Variants in DENND1A observed in about 807,000 individuals in gnomAD.
DENND1A encodes DENN domain-containing protein 1A.
Under a neutral mutation model 113.7 loss-of-function variants are expected in DENND1A, and 51 were observed. That is an observed-to-expected ratio of 0.45 (90% CI 0.36 to 0.57). The LOEUF is 0.57. DENND1A is among the 20% of genes least tolerant of loss of function. The pLI, the probability that DENND1A is intolerant of heterozygous loss-of-function variation, is 0.00. For synonymous variants in DENND1A, 565 were observed against 570.8 expected, an observed-to-expected ratio of 0.99 and a Z score of 0.14; for missense variants, 1,258 against 1,395.9, an observed-to-expected ratio of 0.90 and a Z score of 1.57.
At chr9:123,708,134 A>G (rs919456827) in intron 5 of DENND1A, among the ~76,000 whole-genome samples, 5 of 152,164 alleles carry the variant, frequency 3.3e-5, no homozygotes, top group African/African-American at 9.7e-5. Flanking sequence ...TGTTTGTTAT[A>G]GCAAAAACAA....
rs2057617469 is a variant in DENND1A, at chr9:123,559,554, C to CT, written c.868-1860dup. Reference sequence around the variant, plus strand: ...CCCTAGAAATATTAAGAATCACTTGCTGAGAAGTCTGGGGAAAAAAAAATC... The same window carrying CT: ...CCCTAGAAATATTAAGAATCACTTGCTTGAGAAGTCTGGGGAAAAAAAAATC... On this transcript the variant is annotated intron_variant, in intron 12 of 23. Coordinates refer to ENST00000394215, the MANE Select transcript of DENND1A (RefSeq NM_001352964.2). Among the ~76,000 whole-genome samples, 5 of 152,056 alleles carry CT rather than the reference C, an allele frequency of 3.3e-5. No individual in the cohort carries two copies. In the South Asian group the frequency reaches 8.3e-4, roughly 25 times the overall value.
chr9:123,746,222 T>C (rs965234866), intron 5 of DENND1A, among the ~76,000 whole-genome samples: 2 of 152,240 alleles, frequency 1.3e-5, no homozygotes, highest in African/African-American at 2.4e-5. Flanking sequence ...ATTTACACAA[T>C]AGATATAGCA....
chr9:123,812,158 T>C (rs968973199), intron 2 of DENND1A, among the ~76,000 whole-genome samples: 2 of 152,214 alleles, frequency 1.3e-5, no homozygotes, highest in African/African-American at 4.8e-5. Flanking sequence ...GTTTAATATA[T>C]ATAAATGCAC....
rs1272666446 is a variant in DENND1A, at chr9:123,783,791, G to A, written c.132+8796C>T. 2.0e-5 allele frequency among the ~76,000 whole-genome samples: 3 copies of A among 152,246 alleles called. No individual in the cohort carries two copies. In the East Asian group the frequency reaches 5.8e-4, roughly 29 times the overall value. Reference sequence around the variant, plus strand: ...ATCTGTGTATCACATACCTCATGTTGTTCACTGAGCCCCCAATCTGTCCTA... The same window carrying A: ...ATCTGTGTATCACATACCTCATGTTATTCACTGAGCCCCCAATCTGTCCTA... On this transcript the variant is annotated intron_variant, in intron 3 of 23. Coordinates refer to ENST00000394215, the MANE Select transcript of DENND1A (RefSeq NM_001352964.2).
intron 2 of DENND1A, among the ~76,000 whole-genome samples, chr9:123,863,709 G>A (rs1384153679): frequency 6.6e-6 from 1 of 152,130 alleles, no homozygotes; most frequent in Non-Finnish European, 1.5e-5. Flanking sequence ...ACTCCCTAGG[G>A]AGAAATAACT....
At chr9:123,625,372 C>CA (rs1295472607) in intron 10 of DENND1A, among the ~76,000 whole-genome samples, 2 of 152,238 alleles carry the variant, frequency 1.3e-5, no homozygotes, top group Non-Finnish European at 2.9e-5. Context: ...GCATTTTCCC[C>CA]TCCACAGTTC....
intron 11 of DENND1A, among the ~76,000 whole-genome samples, chr9:123,606,573 T>C (rs2060163992): frequency 6.6e-6 from 1 of 152,238 alleles, no homozygotes; most frequent in Non-Finnish European, 1.5e-5. Context: ...CTTACAATTA[T>C]ATAAAAAGTA....
At chr9:123,566,032 C>T (rs181043839) in intron 12 of DENND1A, among the ~76,000 whole-genome samples, 40 of 152,240 alleles carry the variant, frequency 2.6e-4, no homozygotes, top group African/African-American at 9.6e-4. Flanking sequence ...ATCCCCACTA[C>T]ACAGATGAGG....
intron 1 of DENND1A, among the ~76,000 whole-genome samples, chr9:123,889,224 G>A (rs1419349054): frequency 6.6e-6 from 1 of 151,964 alleles, no homozygotes. Context: ...ACTTGTTATG[G>A]GATTAGGACA....
At chr9:123,524,696 T>C (rs149731341) in intron 13 of DENND1A, among the ~76,000 whole-genome samples, 2 of 152,190 alleles carry the variant, frequency 1.3e-5, no homozygotes, top group African/African-American at 4.8e-5. Flanking sequence ...TGACAATGTC[T>C]CAGGCTGCCC....
At chr9:123,496,246 A>G (rs930034347) in intron 13 of DENND1A, among the ~76,000 whole-genome samples, 1 of 152,254 alleles carries the variant, frequency 6.6e-6, no homozygotes, top group Non-Finnish European at 1.5e-5. Flanking sequence ...TCAAAGGTGC[A>G]AAGGTAAGAA....
chr9:123,518,370 C>T (rs1382284522), intron 13 of DENND1A, among the ~76,000 whole-genome samples: 5 of 152,124 alleles, frequency 3.3e-5, no homozygotes, highest in African/African-American at 9.7e-5. Flanking sequence ...TTGCTGTACA[C>T]AACTAAGATA....
intron 13 of DENND1A, among the ~76,000 whole-genome samples, chr9:123,516,855 C>T: frequency 8.2e-6 from 1 of 121,242 alleles, no homozygotes; most frequent in South Asian, 2.8e-4. Context: ...CACTGCACTC[C>T]AGCCTGGTGA....
intron 13 of DENND1A, among the ~76,000 whole-genome samples, chr9:123,537,237 T>C (rs1056085768): frequency 1.3e-5 from 2 of 151,658 alleles, no homozygotes; most frequent in African/African-American, 4.8e-5. Flanking sequence ...AAATAAGAAC[T>C]ATATAAGAAA....
chr9:123,917,435 G>C (rs1230394297), intron 1 of DENND1A, among the ~76,000 whole-genome samples: 1 of 152,168 alleles, frequency 6.6e-6, no homozygotes, highest in Non-Finnish European at 1.5e-5. Context: ...TAAAGCAAAA[G>C]AGTAATGGTG....
At chr9:123,434,804 C>T (rs2046394614) in intron 19 of DENND1A, among the ~76,000 whole-genome samples, 1 of 152,126 alleles carries the variant, frequency 6.6e-6, no homozygotes, top group Admixed American at 6.5e-5. Flanking sequence ...GAGGCGGCCA[C>T]TAGTGCATGC....
In DENND1A at chr9:123,764,627, A is replaced by G. The variant is rs187081035; in HGVS notation, c.182+4887T>C. Reference sequence around the variant, plus strand: ...CAATGCCTACCTGCTGGAGAAACTCACCAGACAATTCTAAGAGCAGAGCTC... The same window carrying G: ...CAATGCCTACCTGCTGGAGAAACTCGCCAGACAATTCTAAGAGCAGAGCTC... On this transcript the variant is annotated intron_variant, in intron 4 of 23. Coordinates refer to ENST00000394215, the MANE Select transcript of DENND1A (RefSeq NM_001352964.2). The surrounding 1 kb of genome is among the most constrained non-coding windows in gnomAD (Gnocchi z 4.1). Among the ~76,000 whole-genome samples the G allele has an allele frequency of 2.6e-4, 39 of 152,320 alleles. No homozygotes were observed. The highest frequency in any genetic ancestry group is 4.7e-4 in the Non-Finnish European group (32 of 68,022).
chr9:123,855,682 C>T (rs1844060090), intron 2 of DENND1A, among the ~76,000 whole-genome samples: 1 of 152,096 alleles, frequency 6.6e-6, no homozygotes, highest in African/African-American at 2.4e-5. Flanking sequence ...TTGTTTAAAA[C>T]ACACATTATG....
Position 123,777,402 on chromosome 9 carries a change from C to T in DENND1A, c.133-7839G>A, listed in dbSNP as rs578219977. ...CTAGGTAGACAGCTAGATGTAGCTACCGAGTTTCCAGCTGCCTCTTCCTTT... is the reference window on the plus strand; with the variant it reads ...CTAGGTAGACAGCTAGATGTAGCTATCGAGTTTCCAGCTGCCTCTTCCTTT... On this transcript the variant is annotated intron_variant, in intron 3 of 23. Transcript: ENST00000394215. 5.3e-5 allele frequency among the ~76,000 whole-genome samples: 8 copies of T among 152,322 alleles called. No homozygotes were observed. In the South Asian group the frequency reaches 1.4e-3, roughly 28 times the overall value.
Sources: allele counts gnomAD v4.1 joint callset (sites outside exome capture counted in the v4.1 genomes callset), GRCh38; gene constraint gnomAD v4.1.1; non-coding constraint Gnocchi (gnomAD v3.1); transcripts MANE v1.5; gene names NCBI Gene and HGNC (gene_info 2026-07-23, HGNC 2026-07-21).